Variants in STXBP5L observed in about 807,000 individuals in gnomAD.
The protein encoded by STXBP5L is syntaxin-binding protein 5-like.
A neutral mutation model predicts 144.5 loss-of-function variants in STXBP5L; 65 were observed. The ratio of observed to expected loss-of-function variants is 0.45; its 90% CI spans 0.37 to 0.55. The LOEUF (loss-of-function observed/expected upper bound fraction) is 0.55. STXBP5L is among the 20% of genes least tolerant of loss of function. The pLI, the probability that STXBP5L is intolerant of heterozygous loss-of-function variation, is 0.00. For synonymous variants in STXBP5L, 505 were observed against 469.6 expected, an observed-to-expected ratio of 1.08 and a Z score of -0.97; for missense variants, 1,298 against 1,405.5, an observed-to-expected ratio of 0.92 and a Z score of 1.22.
chr3:121,331,208 G>A (rs1291067583), intron 20 of STXBP5L, among the ~76,000 whole-genome samples: 5 of 152,174 alleles, frequency 3.3e-5, no homozygotes, highest in African/African-American at 4.8e-5. Flanking sequence ...TTCAGCAGAG[G>A]CACTGGTGCA....
intron 18 of STXBP5L, among the ~76,000 whole-genome samples, chr3:121,264,720 T>G (rs959054598): frequency 6.6e-6 from 1 of 151,354 alleles, no homozygotes; most frequent in African/African-American, 2.4e-5. Context: ...GTGTGCTATA[T>G]TCAGGAGACC....
chr3:121,375,916 G>A (rs536839153), intron 20 of STXBP5L, among the ~76,000 whole-genome samples: 30 of 152,178 alleles, frequency 2.0e-4, no homozygotes, highest in African/African-American at 7.0e-4. Context: ...GCTGAACTAC[G>A]AGATGATGTT....
intron 6 of STXBP5L, among the ~76,000 whole-genome samples, chr3:121,118,281 TC>T (rs2044314882): frequency 6.6e-6 from 1 of 151,832 alleles, no homozygotes; most frequent in African/African-American, 2.4e-5. Context: ...ACATGGGATC[TC>T]AAAGTGGTAT....
intron 22 of STXBP5L, among the ~76,000 whole-genome samples, chr3:121,390,003 A>G (rs2046536251): frequency 6.6e-6 from 1 of 152,138 alleles, no homozygotes; most frequent in South Asian, 2.1e-4. Flanking sequence ...GTCTCCCATT[A>G]TTATTGTGTG....
intron 4 of STXBP5L, among the ~76,000 whole-genome samples, chr3:121,043,473 A>T (rs1947298002): frequency 6.6e-6 from 1 of 151,954 alleles, no homozygotes; most frequent in South Asian, 2.1e-4. Context: ...CACTTTGGGA[A>T]GTTAAGGTGG....
chr3:121,140,445 G>A (rs3908117), intron 7 of STXBP5L, among the ~76,000 whole-genome samples: 79,677 of 151,884 alleles, frequency 0.52, 21,441 homozygotes, highest in African/African-American at 0.62. Context: ...TCCCATGTTC[G>A]TCACAACATT....
At chr3:121,006,866 T>A (rs1214472367) in intron 3 of STXBP5L, among the ~76,000 whole-genome samples, 1 of 152,194 alleles carries the variant, frequency 6.6e-6, no homozygotes, top group African/African-American at 2.4e-5. Context: ...TTAAGAATGT[T>A]GAATATTGGC....
intron 20 of STXBP5L, among the ~76,000 whole-genome samples, chr3:121,365,955 T>A (rs1436547473): frequency 6.6e-6 from 1 of 151,956 alleles, no homozygotes; most frequent in Non-Finnish European, 1.5e-5. Flanking sequence ...GTTTTTGGTA[T>A]GTTGTATTTT....
chr3:121,115,562 A>G (rs1316681962), intron 6 of STXBP5L, among the ~76,000 whole-genome samples: 4 of 152,196 alleles, frequency 2.6e-5, no homozygotes. Context: ...CTGATATTTA[A>G]GTTTCTGTAC....
chr3:121,063,648 C>T (rs901165020), intron 5 of STXBP5L, among the ~76,000 whole-genome samples: 1 of 152,124 alleles, frequency 6.6e-6, no homozygotes, highest in Admixed American at 6.5e-5. Context: ...ATGTATAAGC[C>T]CCAGACTGGG....
intron 5 of STXBP5L, among the ~76,000 whole-genome samples, chr3:121,110,254 G>C (rs1056736408): frequency 1.3e-5 from 2 of 152,180 alleles, no homozygotes; most frequent in African/African-American, 4.8e-5. Flanking sequence ...TCATCATGAT[G>C]CCAACTGGTT....
intron 3 of STXBP5L, among the ~76,000 whole-genome samples, chr3:120,964,413 T>C (rs991190678): frequency 1.3e-5 from 2 of 152,224 alleles, no homozygotes; most frequent in Admixed American, 6.5e-5. Flanking sequence ...GGGCTTTTAG[T>C]GCTATACATA....
chr3:121,047,308 TAAG>T (rs1947586243), intron 5 of STXBP5L, among the ~76,000 whole-genome samples: 4 of 152,172 alleles, frequency 2.6e-5, no homozygotes, highest in African/African-American at 9.6e-5. Context: ...TATGTACAGA[TAAG>T]AAGATGGTAT....
intron 5 of STXBP5L, among the ~76,000 whole-genome samples, chr3:121,072,979 A>G (rs748224479): frequency 6.6e-6 from 1 of 152,234 alleles, no homozygotes; most frequent in South Asian, 2.1e-4. Flanking sequence ...AGTGAGAGCT[A>G]TTAGCTCAGC....
chr3:121,202,367 A>ATG (rs1355155177), intron 9 of STXBP5L, among the ~76,000 whole-genome samples: 1 of 152,114 alleles, frequency 6.6e-6, no homozygotes, highest in African/African-American at 2.4e-5. Flanking sequence ...AAATATATAT[A>ATG]CAGATCTCAC....
At chr3:121,318,927 A>G (rs796323099) in intron 20 of STXBP5L, among the ~76,000 whole-genome samples, 4 of 152,336 alleles carry the variant, frequency 2.6e-5, no homozygotes, top group African/African-American at 9.6e-5. Flanking sequence ...AAATGATACC[A>G]TTCCTCTAGA....
chr3:121,257,446 A>G, intron 17 of STXBP5L, 113 bp downstream of exon 17: 1 of 967,810 alleles, frequency 1.0e-6, no homozygotes, highest in East Asian at 2.6e-5. Flanking sequence ...CAGGTGATCT[A>G]CAATTCTTCA....
At position 120,930,022 on chromosome 3, in the gene STXBP5L, C is replaced by A. The variant is rs146791208; in HGVS notation, c.189+20255C>A. Among the ~76,000 whole-genome samples the A allele has an allele frequency of 3.1e-3, 463 of 151,570 alleles. 3 individuals carry two copies. The highest frequency in any genetic ancestry group is 0.01 in the African/African-American group (432 of 41,410). ...TGTTATAGTTTTGTAAAATTTTTCC[C>A]AGTTCATTATTTGCATCTTGTTCAT... On this transcript the variant is annotated intron_variant, in intron 2 of 26. Coordinates refer to ENST00000471454, the MANE Select transcript of STXBP5L (RefSeq NM_001308330.2).
intron 9 of STXBP5L, among the ~76,000 whole-genome samples, chr3:121,180,820 C>T (rs1237970978): frequency 6.6e-6 from 1 of 151,944 alleles, no homozygotes; most frequent in East Asian, 1.9e-4. Context: ...TTGCAGTGAG[C>T]CAAAATCGTG....
Sources: allele counts gnomAD v4.1 joint callset (sites outside exome capture counted in the v4.1 genomes callset), GRCh38; gene constraint gnomAD v4.1.1; transcripts MANE v1.5; gene names NCBI Gene and HGNC (gene_info 2026-07-23, HGNC 2026-07-21).